GALNT18: variants seen among roughly 807,000 people sequenced by gnomAD.
The protein encoded by GALNT18 is polypeptide N-acetylgalactosaminyltransferase 18.
A neutral mutation model predicts 69.5 loss-of-function variants in GALNT18; 44 were observed. The observed-to-expected ratio is 0.63, with a 90% CI of 0.50 to 0.81. The LOEUF is 0.81. Among genes scored for constraint, GALNT18 ranks in the 40% least tolerant of loss-of-function variants. GALNT18 has a pLI of 0.00. For synonymous variants in GALNT18, 364 were observed against 318.2 expected (o/e 1.14, Z -1.53); for missense variants, 715 against 810.0 (o/e 0.88, Z 1.42).
chr11:11,360,617 T>C (rs1050210474), intron 6 of GALNT18, among the ~76,000 whole-genome samples: 1 of 152,204 alleles, frequency 6.6e-6, no homozygotes, highest in African/African-American at 2.4e-5. Flanking sequence ...TATGCTTTTA[T>C]CCATAACACA....
rs1304783804 is a variant in GALNT18 at position 11,523,638 on chromosome 11, G to C, written c.236-74702C>G. ...GGAGGCTGAGGCAGGAGAATGGTGAGAACCCGGGAGGAAGAGGTTGCAGTG... is the reference window on the plus strand; with the variant it reads ...GGAGGCTGAGGCAGGAGAATGGTGACAACCCGGGAGGAAGAGGTTGCAGTG... On this transcript the variant is annotated intron_variant, in intron 1 of 10. Transcript: ENST00000227756. The surrounding 1 kb of genome is among the most constrained non-coding windows in gnomAD (Gnocchi z 4.3). Among the ~76,000 whole-genome samples, 1 of 151,352 alleles carries C rather than the reference G, an allele frequency of 6.6e-6. No homozygotes were observed. Among genetic ancestry groups the C allele is most frequent in the Non-Finnish European group, 1.5e-5 (1 of 67,924 alleles).
chr11:11,537,811 A>T (rs1361045666), intron 1 of GALNT18, among the ~76,000 whole-genome samples: 1 of 152,208 alleles, frequency 6.6e-6, no homozygotes, highest in African/African-American at 2.4e-5. Context: ...AGCTTCTCAG[A>T]TATTTGGATT....
chr11:11,276,016 C>A (rs1361126532), intron 10 of GALNT18, among the ~76,000 whole-genome samples: 1 of 152,184 alleles, frequency 6.6e-6, no homozygotes, highest in African/African-American at 2.4e-5. Context: ...GCTATGCAGG[C>A]TCTTTTTTGG....
chr11:11,544,665 T>A (rs1381563056), intron 1 of GALNT18, among the ~76,000 whole-genome samples: 1 of 152,228 alleles, frequency 6.6e-6, no homozygotes, highest in East Asian at 1.9e-4. Flanking sequence ...CCTCTAGGTT[T>A]TAAGCCTCGC....
Position 11,373,095 on chromosome 11 carries a change from T to TA in GALNT18, c.978-467dup, listed in dbSNP as rs565002140. On this transcript the variant is annotated intron_variant, in intron 5 of 10. Coordinates refer to ENST00000227756, the MANE Select transcript of GALNT18 (RefSeq NM_198516.3). ...TTGCAAAGGGTTTTGGGTAGCAGGG[T>TA]AAAAAATTTGAATTTTATCTTCAGG... Among the ~76,000 whole-genome samples, 30 of 152,250 alleles carry TA rather than the reference T, an allele frequency of 2.0e-4. No homozygotes were observed. In the East Asian group the frequency reaches 5.6e-3, roughly 28 times the overall value.
At chr11:11,299,486 C>T (rs538479530) in intron 9 of GALNT18, among the ~76,000 whole-genome samples, 32 of 152,318 alleles carry the variant, frequency 2.1e-4, no homozygotes, top group African/African-American at 6.3e-4. Flanking sequence ...CCCACCTCTT[C>T]CTCCAAGTCC....
chr11:11,352,018 C>T (rs1850417096), intron 6 of GALNT18: 1 of 1,613,482 alleles, frequency 6.2e-7, no homozygotes, highest in Non-Finnish European at 8.5e-7. Flanking sequence ...GGTGAGCCTG[C>T]CAGAGGTCCA....
chr11:11,621,210 G>A lies in GALNT18; in HGVS notation c.235+149C>T. The A allele has an allele frequency of 1.5e-6, 1 of 646,958 alleles. No homozygotes were observed. The highest frequency in any genetic ancestry group is 2.7e-6 in the Non-Finnish European group (1 of 372,686). The allele number at this position is 646,958 out of a possible 1,614,324, so 40.1% of individuals were successfully genotyped here. A position where few individuals can be genotyped will look rare whatever the true frequency, so the allele number is the denominator to read the frequency against. Reference sequence around the variant, plus strand: ...CAGAAGGTCCCGAACGCAGGCAGGAGCTCACACGCAGGCCCCACGACTACC... The same window carrying A: ...CAGAAGGTCCCGAACGCAGGCAGGAACTCACACGCAGGCCCCACGACTACC... On this transcript the variant is annotated intron_variant, in intron 1 of 10. Coordinates refer to ENST00000227756, the MANE Select transcript of GALNT18 (RefSeq NM_198516.3). This position sits in a 1 kb window ranked among gnomAD's most constrained non-coding sequence, Gnocchi z 9.3.
At chr11:11,453,436 C>T (rs6484921) in intron 1 of GALNT18, among the ~76,000 whole-genome samples, 1,993 of 152,316 alleles carry the variant, frequency 0.013, 39 homozygotes, top group African/African-American at 0.044. Context: ...CCTGCACATC[C>T]TCCTGGTCAG....
chr11:11,295,207 A>AG, intron 9 of GALNT18, among the ~76,000 whole-genome samples: 1 of 152,226 alleles, frequency 6.6e-6, no homozygotes, highest in South Asian at 2.1e-4. Flanking sequence ...GAGGGGGTGA[A>AG]GGGCAGGCAG....
chr11:11,553,883 G>A (rs550449713), intron 1 of GALNT18, among the ~76,000 whole-genome samples: 2 of 152,180 alleles, frequency 1.3e-5, no homozygotes, highest in African/African-American at 2.4e-5. Context: ...CTTAGAAAAT[G>A]CATGGGCACA....
intron 1 of GALNT18, among the ~76,000 whole-genome samples, chr11:11,462,022 T>C (rs1398229764): frequency 6.6e-6 from 1 of 152,174 alleles, no homozygotes; most frequent in Non-Finnish European, 1.5e-5. Flanking sequence ...GGAAGCGGGG[T>C]GCTGTAGGAA....
chr11:11,367,326 A>G (rs1308541441), intron 6 of GALNT18, among the ~76,000 whole-genome samples: 1 of 152,228 alleles, frequency 6.6e-6, no homozygotes, highest in Non-Finnish European at 1.5e-5. Flanking sequence ...ACCATATTCT[A>G]AAGAGGCAAA....
intron 9 of GALNT18, among the ~76,000 whole-genome samples, chr11:11,326,479 CT>C (rs1317791687): frequency 6.6e-6 from 1 of 152,222 alleles, no homozygotes; most frequent in African/African-American, 2.4e-5. Flanking sequence ...AACCATTTAT[CT>C]TGCCTGTGTC....
chr11:11,449,513 C>A (rs759941861), intron 1 of GALNT18, among the ~76,000 whole-genome samples: 1 of 152,226 alleles, frequency 6.6e-6, no homozygotes. Context: ...ACACTGCCCA[C>A]CAGAATAGCA....
intron 1 of GALNT18, among the ~76,000 whole-genome samples, chr11:11,560,621 C>A (rs546411135): frequency 1.6e-4 from 25 of 152,196 alleles, no homozygotes; most frequent in Non-Finnish European, 3.5e-4. Context: ...GACACAGCCC[C>A]TCTGGCTACA....
At chr11:11,547,111 C>G (rs1858071961) in intron 1 of GALNT18, among the ~76,000 whole-genome samples, 1 of 152,120 alleles carries the variant, frequency 6.6e-6, no homozygotes. Flanking sequence ...GAGAAACGTA[C>G]AGAAAGTATT....
intron 1 of GALNT18, among the ~76,000 whole-genome samples, chr11:11,579,297 T>A (rs1002951973): frequency 6.6e-6 from 1 of 152,128 alleles, no homozygotes; most frequent in Non-Finnish European, 1.5e-5. Flanking sequence ...GAGCCCCACC[T>A]GTCACCATAC....
At chr11:11,278,063 C>T (rs1382498835) in intron 10 of GALNT18, among the ~76,000 whole-genome samples, 1 of 151,712 alleles carries the variant, frequency 6.6e-6, no homozygotes, top group Non-Finnish European at 1.5e-5. Context: ...CCCTGTTAAC[C>T]TTTTGCCTCG....
Sources: gnomAD v4.1 joint callset for allele counts (sites outside exome capture counted in the v4.1 genomes callset) on GRCh38, gnomAD v4.1.1 for gene constraint, Gnocchi (gnomAD v3.1) non-coding constraint, MANE v1.5 for transcripts, NCBI Gene and HGNC (gene_info 2026-07-23, HGNC 2026-07-21) for gene names.